COL27A1: variants seen among roughly 807,000 people sequenced by gnomAD.
The protein encoded by COL27A1 is collagen alpha-1(XXVII) chain.
In COL27A1, 106 loss-of-function variants were observed where a neutral mutation model predicts 251.3. The ratio of observed to expected loss-of-function variants is 0.42; its 90% CI spans 0.36 to 0.50. The LOEUF is 0.50. COL27A1 is among the 20% of genes least tolerant of loss of function. COL27A1 has a pLI of 0.00. For synonymous variants in COL27A1, 1,000 were observed against 986.3 expected, an observed-to-expected ratio of 1.01 and a Z score of -0.26; for missense variants, 2,325 against 2,522.8, an observed-to-expected ratio of 0.92 and a Z score of 1.68.
rs757163848 is a variant in COL27A1, at chr9:114,168,287, C to G, written c.732C>G (p.Ser244=). 1.2e-6 allele frequency: 2 copies of G among 1,613,618 alleles called. No homozygotes were observed. Among genetic ancestry groups the G allele is most frequent in the Non-Finnish European group, 8.5e-7 (1 of 1,180,026 alleles). Residue 244 remains serine (S), a synonymous_variant, in exon 3 of 61, where the codon TCC becomes TCG. Coordinates refer to ENST00000356083, the MANE Select transcript of COL27A1 (RefSeq NM_032888.4). The part of the protein sequence containing the change: ...KQCGQADTYQ[S]PLGPLFSQDS... ...GTGGACAGGCTGACACGTACCAGTC[C>G]CCACTGGGACCTCTCTTCTCCCAAG... is the stretch of plus-strand genomic sequence containing the variant.
At chr9:114,256,684 G>C (rs949445752) in intron 27 of COL27A1, among the ~76,000 whole-genome samples, 5 of 152,128 alleles carry the variant, frequency 3.3e-5, no homozygotes, top group Admixed American at 3.3e-4. Flanking sequence ...TCACCTTCTA[G>C]AAACTCTAGG....
At chr9:114,260,289 G>A (rs1196925579) in intron 28 of COL27A1, among the ~76,000 whole-genome samples, 1 of 152,204 alleles carries the variant, frequency 6.6e-6, no homozygotes, top group East Asian at 1.9e-4. Context: ...GGGAGCATCA[G>A]GAACATGAGC....
At chr9:114,289,321 G>A in intron 45 of COL27A1, 26 bp downstream of exon 45, 2 of 1,558,300 alleles carry the variant, frequency 1.3e-6, no homozygotes, top group South Asian at 1.2e-5. Context: ...GTTCAGCAGG[G>A]AGACTGAGTC....
chr9:114,177,891 A>G (rs1199956423), intron 3 of COL27A1, among the ~76,000 whole-genome samples: 1 of 152,212 alleles, frequency 6.6e-6, no homozygotes, highest in Non-Finnish European at 1.5e-5. Context: ...CCCTGGGGAT[A>G]GGCAGATGAC....
At chr9:114,201,186 C>T (rs1284876439) in intron 7 of COL27A1, among the ~76,000 whole-genome samples, 1 of 152,220 alleles carries the variant, frequency 6.6e-6, no homozygotes, top group Non-Finnish European at 1.5e-5. Flanking sequence ...CAGCCAGAGG[C>T]CCCTTGCAGA....
At chr9:114,171,177 G>A (rs1246596051) in intron 3 of COL27A1, among the ~76,000 whole-genome samples, 1 of 150,634 alleles carries the variant, frequency 6.6e-6, no homozygotes, top group Non-Finnish European at 1.5e-5. Context: ...AAATGAAACT[G>A]GTCAGTCAGT....
chr9:114,272,705 A>C (rs915207678), intron 36 of COL27A1: 2 of 152,230 alleles, frequency 1.3e-5, no homozygotes. Flanking sequence ...TACATGGTTT[A>C]TCTCTTTCAA....
chr9:114,278,354 GAT>G, intron 37 of COL27A1, among the ~76,000 whole-genome samples: 3 of 146,066 alleles, frequency 2.1e-5, no homozygotes, highest in Non-Finnish European at 3.0e-5. Flanking sequence ...TGCTGGTGGC[GAT>G]GGTGATAGTG....
rs1025894089 is a variant in COL27A1, at chr9:114,236,898, G to A, written c.2620-83G>A. 17 of 1,319,884 alleles carry A rather than the reference G, an allele frequency of 1.3e-5. 1 individual carries two copies. The highest frequency in any genetic ancestry group is 1.8e-5 in the Non-Finnish European group (17 of 922,880). 81.8% of individuals were successfully genotyped at this position (1,319,884 alleles called of 1,614,324 possible). ...TCCAAGGCGGGCGTTCTCTGGGCCT[G>A]GGACCAGCAGGAGGACTGGGCGGCT... On this transcript the variant is annotated intron_variant, in intron 17 of 60. Coordinates refer to ENST00000356083, the MANE Select transcript of COL27A1 (RefSeq NM_032888.4).
At chr9:114,159,521 G>A (rs75506800) in intron 1 of COL27A1, among the ~76,000 whole-genome samples, 2,540 of 152,308 alleles carry the variant, frequency 0.017, 33 homozygotes, top group Non-Finnish European at 0.026. Flanking sequence ...AAATGGGATC[G>A]CAGGAACACA....
chr9:114,288,439 G>A lies in COL27A1; in HGVS notation c.3988-16G>A, dbSNP rs896837308. 1.2e-6 allele frequency: 2 copies of A among 1,609,032 alleles called. No individual in the cohort carries two copies. Among genetic ancestry groups the A allele is most frequent in the Non-Finnish European group, 1.7e-6 (2 of 1,178,500 alleles). ...GGAGCAGGCGGTTTGCCCTAAAGCTGGTTCTGTGTCCACAGGGGGAGCAGG... is the reference window on the plus strand; with the variant it reads ...GGAGCAGGCGGTTTGCCCTAAAGCTAGTTCTGTGTCCACAGGGGGAGCAGG... On this transcript the variant is annotated splice_polypyrimidine_tract_variant and intron_variant, in intron 41 of 60. Transcript: ENST00000356083.
intron 48 of COL27A1, among the ~76,000 whole-genome samples, chr9:114,291,478 A>G (rs7023180): frequency 0.038 from 5,856 of 152,266 alleles, 393 homozygotes; most frequent in African/African-American, 0.13. Context: ...GTGGCCACAC[A>G]GTGGCTCACA....
intron 5 of COL27A1, among the ~76,000 whole-genome samples, chr9:114,190,876 G>A (rs1211221058): frequency 1.3e-5 from 2 of 152,232 alleles, no homozygotes; most frequent in East Asian, 3.8e-4. Context: ...CTGGCAACAA[G>A]ATTCTTGTTT....
intron 44 of COL27A1, 49 bp from the exon 45 acceptor site, chr9:114,289,193 C>T (rs745460452): frequency 1.5e-5 from 23 of 1,547,118 alleles, no homozygotes; most frequent in African/African-American, 6.8e-5. Context: ...CCACCCTCCC[C>T]GGGAGAGAAT....
chr9:114,196,034 T>C (rs776571803), intron 7 of COL27A1, 22 bp downstream of exon 7: 2 of 1,612,650 alleles, frequency 1.2e-6, no homozygotes, highest in Non-Finnish European at 1.7e-6. Context: ...TTTTGATGCT[T>C]TGCCTTGCGC....
At chr9:114,278,761 A>G (rs538694739) in intron 37 of COL27A1, among the ~76,000 whole-genome samples, 1 of 152,074 alleles carries the variant, frequency 6.6e-6, no homozygotes, top group Non-Finnish European at 1.5e-5. Flanking sequence ...CACTTGGGCC[A>G]GACGAAGTGT....
chr9:114,208,744 T>A (rs1830146446), intron 10 of COL27A1, among the ~76,000 whole-genome samples: 1 of 152,022 alleles, frequency 6.6e-6, no homozygotes, highest in Non-Finnish European at 1.5e-5. Context: ...TGGAGAAGGA[T>A]GCTACCGAGG....
At chr9:114,166,355 G>A (rs4634730) in intron 2 of COL27A1, among the ~76,000 whole-genome samples, 4 of 27,502 alleles carry the variant, frequency 1.5e-4, no homozygotes, top group Non-Finnish European at 3.2e-4. Context: ...ATGCATCCAT[G>A]TATCCATCCA....
intron 1 of COL27A1, among the ~76,000 whole-genome samples, chr9:114,160,977 T>G (rs1042850113): frequency 1.3e-5 from 2 of 152,194 alleles, no homozygotes; most frequent in African/African-American, 4.8e-5. Context: ...CTGGTTTACA[T>G]TATGCTGCAA....
Sources: allele counts gnomAD v4.1 joint callset (sites outside exome capture counted in the v4.1 genomes callset), GRCh38; gene constraint gnomAD v4.1.1; transcripts MANE v1.5; gene names NCBI Gene and HGNC (gene_info 2026-07-23, HGNC 2026-07-21).